COL22A1: variants seen among roughly 807,000 people sequenced by gnomAD.
COL22A1 encodes the protein collagen alpha-1(XXII) chain.
A neutral mutation model predicts 248.9 loss-of-function variants in COL22A1; 221 were observed. The observed-to-expected ratio is 0.89, with a 90% CI of 0.80 to 0.99. COL22A1 has a LOEUF of 0.99. COL22A1 is among the 50% of genes least tolerant of loss of function. The pLI is 0.00. For missense variants in COL22A1, 2,240 were observed against 2,179.0 expected, an observed-to-expected ratio of 1.03 and a Z score of -0.56; for synonymous variants, 891 against 793.4, an observed-to-expected ratio of 1.12 and a Z score of -2.07.
intron 47 of COL22A1, among the ~76,000 whole-genome samples, chr8:138,637,548 G>C (rs1338969305): frequency 3.9e-5 from 6 of 152,184 alleles, no homozygotes; most frequent in Non-Finnish European, 7.4e-5. Flanking sequence ...TTGGCATAGA[G>C]CCCAGAACAC....
At chr8:138,815,523 G>C (rs1818608091) in intron 7 of COL22A1, among the ~76,000 whole-genome samples, 1 of 152,078 alleles carries the variant, frequency 6.6e-6, no homozygotes, top group Non-Finnish European at 1.5e-5. Flanking sequence ...CACCCCTCCT[G>C]CTCCTGCGCT....
At chr8:138,602,075 C>A (rs749551709) in intron 60 of COL22A1, 40 bp downstream of exon 60, 1 of 1,612,260 alleles carries the variant, frequency 6.2e-7, no homozygotes, top group Middle Eastern at 1.7e-4. Context: ...GTGCAAAGGT[C>A]GCGTTCGGCG....
In COL22A1 at chr8:138,779,640, A is replaced by G. The variant is rs1563753297; in HGVS notation, c.1651-78T>C. The G allele has an allele frequency of 6.2e-6, 6 of 967,964 alleles. No homozygotes were observed. The Admixed American group carries it at 6.9e-5, about 11-fold the overall frequency. 60.0% of individuals were successfully genotyped at this position (967,964 alleles called of 1,614,324 possible). ...ACACCAGAGAAGCCCACAGTCTCCC[A>G]GGGCCTCTGCTTCCTGCAGCTCAGA... On this transcript the variant is annotated intron_variant, in intron 13 of 64. Coordinates refer to ENST00000303045, the MANE Select transcript of COL22A1 (RefSeq NM_152888.3).
intron 30 of COL22A1, among the ~76,000 whole-genome samples, chr8:138,708,262 T>C (rs1828649955): frequency 2.0e-5 from 3 of 152,212 alleles, no homozygotes. Flanking sequence ...CCAATGACTT[T>C]CTTCACAGAA....
At chr8:138,608,770 C>T (rs1213274983) in intron 56 of COL22A1, among the ~76,000 whole-genome samples, 1 of 152,210 alleles carries the variant, frequency 6.6e-6, no homozygotes, top group Non-Finnish European at 1.5e-5. Flanking sequence ...GTGTTCGTCT[C>T]TTCCTCTGCC....
chr8:138,701,213 G>A (rs1190428273), intron 31 of COL22A1, among the ~76,000 whole-genome samples: 1 of 152,030 alleles, frequency 6.6e-6, no homozygotes, highest in Non-Finnish European at 1.5e-5. Flanking sequence ...TATTCTTGTT[G>A]ATGCATCTTG....
intron 52 of COL22A1, among the ~76,000 whole-genome samples, chr8:138,623,006 C>T (rs984233293): frequency 2.6e-5 from 4 of 151,790 alleles, no homozygotes; most frequent in South Asian, 2.1e-4. Flanking sequence ...ATCTCTGATC[C>T]GTAGGCAAGA....
chr8:138,778,665 G>C (rs1381845411), intron 14 of COL22A1, among the ~76,000 whole-genome samples: 1 of 152,200 alleles, frequency 6.6e-6, no homozygotes, highest in Non-Finnish European at 1.5e-5. Flanking sequence ...TCAAGAAACA[G>C]CTAAAGGTGT....
chr8:138,769,876 G>A (rs530097447), intron 16 of COL22A1, among the ~76,000 whole-genome samples: 23 of 152,306 alleles, frequency 1.5e-4, no homozygotes, highest in Non-Finnish European at 2.9e-4. Context: ...CATGTCTGCA[G>A]GGTGGATTGT....
chr8:138,780,840 C>A, intron 13 of COL22A1, 87 bp downstream of exon 13: 1 of 1,134,356 alleles, frequency 8.8e-7, no homozygotes, highest in Admixed American at 1.7e-5. Context: ...CTGGCAATGC[C>A]ACCCCACTTA....
At chr8:138,702,292 T>C (rs1205221699) in intron 31 of COL22A1, among the ~76,000 whole-genome samples, 1 of 152,178 alleles carries the variant, frequency 6.6e-6, no homozygotes, top group Admixed American at 6.5e-5. Context: ...GACTCTAAAG[T>C]TGTGATCCCA....
At chr8:138,871,044 C>T (rs115765004) in intron 3 of COL22A1, among the ~76,000 whole-genome samples, 1,946 of 151,988 alleles carry the variant, frequency 0.013, 47 homozygotes, top group African/African-American at 0.043. Context: ...GGCATGGTCA[C>T]GAGGGGTGAT....
At chr8:138,718,856 A>G (rs1204312686) in intron 27 of COL22A1, among the ~76,000 whole-genome samples, 1 of 152,222 alleles carries the variant, frequency 6.6e-6, no homozygotes, top group Non-Finnish European at 1.5e-5. Flanking sequence ...TCAGAAATAT[A>G]AAACACATAG....
chr8:138,904,887 G>A (rs1814896952), intron 1 of COL22A1, among the ~76,000 whole-genome samples: 1 of 152,116 alleles, frequency 6.6e-6, no homozygotes, highest in Non-Finnish European at 1.5e-5. Context: ...ACAGCACAGC[G>A]GGAGGGCCAT....
intron 3 of COL22A1, among the ~76,000 whole-genome samples, chr8:138,865,047 T>C (rs944729200): frequency 1.3e-5 from 2 of 152,220 alleles, no homozygotes; most frequent in Non-Finnish European, 2.9e-5. Flanking sequence ...AATAAGAACC[T>C]ATTATAAACA....
chr8:138,868,338 G>A, intron 3 of COL22A1, among the ~76,000 whole-genome samples: 1 of 152,064 alleles, frequency 6.6e-6, no homozygotes, highest in Non-Finnish European at 1.5e-5. Flanking sequence ...GGTAGGAGTG[G>A]GAGAGAATCT....
At chr8:138,871,931 G>C (rs4736259) in intron 3 of COL22A1, among the ~76,000 whole-genome samples, 24,957 of 152,102 alleles carry the variant, frequency 0.16, 2,165 homozygotes, top group Non-Finnish European at 0.19. Context: ...AGGCAAAGGA[G>C]AGCCCCTCCA....
rs556719539 is a variant in COL22A1, at chr8:138,690,745, G to A, written c.2808+76C>T. Reference sequence around the variant, plus strand: ...CTCCCCTTACTCCCATGTATCCTACGCCTCTGGCTTTTGGGGAGGATACAT... The same window carrying A: ...CTCCCCTTACTCCCATGTATCCTACACCTCTGGCTTTTGGGGAGGATACAT... On this transcript the variant is annotated intron_variant, in intron 36 of 64. Transcript: ENST00000303045. The A allele has an allele frequency of 1.8e-3, 2,077 of 1,186,778 alleles. 1 individual carries two copies. The highest frequency in any genetic ancestry group is 2.3e-3 in the Non-Finnish European group (1,947 of 835,302). 73.5% of individuals were successfully genotyped at this position (1,186,778 alleles called of 1,614,324 possible). A position where few individuals can be genotyped will look rare whatever the true frequency, so the allele number is the denominator to read the frequency against.
chr8:138,594,072 T>C lies in COL22A1; in HGVS notation c.4560A>G (p.Pro1520=), dbSNP rs771513929. The C allele has an allele frequency of 7.5e-6, 12 of 1,590,522 alleles. No homozygotes were observed. In the South Asian group the frequency reaches 1.1e-4, roughly 15 times the overall value. Residue 1520 remains proline (P), a synonymous_variant, in exon 63 of 65, where the codon CCA becomes CCG. Coordinates refer to ENST00000303045, the MANE Select transcript of COL22A1 (RefSeq NM_152888.3). The part of the protein sequence containing the change: ...LPGRAGPMGE[P]GRPGQGGLEG... ...CCAGACCCCCCTGCCCAGGACGACC[T>C]GGCTCCCCCATGGGGCCGGCCCGGC...
Sources: gnomAD v4.1 joint callset for allele counts (sites outside exome capture counted in the v4.1 genomes callset) on GRCh38, gnomAD v4.1.1 for gene constraint, MANE v1.5 for transcripts, NCBI Gene and HGNC (gene_info 2026-07-23, HGNC 2026-07-21) for gene names.